Variants in PCLO observed in about 807,000 individuals in gnomAD.
PCLO encodes piccolo presynaptic cytomatrix protein.
Under a neutral mutation model 427.5 loss-of-function variants are expected in PCLO, and 82 were observed. That is an observed-to-expected ratio of 0.19 (90% CI 0.16 to 0.23). PCLO has a LOEUF of 0.23. PCLO is among the 10% of genes least tolerant of loss of function. The pLI, the probability that PCLO is intolerant of heterozygous loss-of-function variation, is 1.00. For missense variants in PCLO, 6,239 were observed against 6,115.9 expected (o/e 1.02, Z -0.67); for synonymous variants, 2,357 against 2,155.4 (o/e 1.09, Z -2.59).
intron 6 of PCLO, among the ~76,000 whole-genome samples, chr7:82,934,300 T>C (rs1794903364): frequency 1.3e-5 from 2 of 151,814 alleles, no homozygotes; most frequent in Admixed American, 6.6e-5. Flanking sequence ...TTCAGCAAGA[T>C]AAGTATTCTA....
At chr7:83,131,898 TAC>T (rs1430403157) in intron 3 of PCLO, among the ~76,000 whole-genome samples, 1 of 152,132 alleles carries the variant, frequency 6.6e-6, no homozygotes, top group Non-Finnish European at 1.5e-5. Flanking sequence ...TAATAGTATT[TAC>T]AGTTTGCTGG....
At chr7:82,963,476 C>T (rs9969323) in intron 4 of PCLO, among the ~76,000 whole-genome samples, 9,117 of 151,774 alleles carry the variant, frequency 0.06, 909 homozygotes, top group African/African-American at 0.21. Context: ...GGTAGCAATA[C>T]ATAGTGAGAA....
At chr7:83,102,845 ATAAT>A (rs1372445098) in intron 3 of PCLO, among the ~76,000 whole-genome samples, 1 of 151,938 alleles carries the variant, frequency 6.6e-6, no homozygotes, top group African/African-American at 2.4e-5. Flanking sequence ...TTCAGAATGA[ATAAT>A]TAATTACTTC....
intron 3 of PCLO, among the ~76,000 whole-genome samples, chr7:83,011,385 T>A (rs1788073056): frequency 6.6e-6 from 1 of 152,118 alleles, no homozygotes; most frequent in Non-Finnish European, 1.5e-5. Context: ...ATTGTTTGAT[T>A]AATCTGATAC....
chr7:83,151,447 A>G (rs1056195939), intron 2 of PCLO, among the ~76,000 whole-genome samples: 1 of 152,190 alleles, frequency 6.6e-6, no homozygotes, highest in Admixed American at 6.5e-5. Flanking sequence ...TTAATCTTCC[A>G]GTGTGTCTGG....
chr7:83,025,201 T>C (rs1219781458), intron 3 of PCLO, among the ~76,000 whole-genome samples: 1 of 151,876 alleles, frequency 6.6e-6, no homozygotes, highest in Non-Finnish European at 1.5e-5. Flanking sequence ...AGTTGAAAAC[T>C]TTGAAAAAAA....
At chr7:83,153,310 A>G (rs929612981) in intron 2 of PCLO, among the ~76,000 whole-genome samples, 13 of 151,912 alleles carry the variant, frequency 8.6e-5, no homozygotes, top group African/African-American at 3.1e-4. Flanking sequence ...TTGTAGTTTT[A>G]TAAGTAAATG....
In PCLO at chr7:82,955,342, C is replaced by T. The variant is rs369616405; in HGVS notation, c.5611G>A (p.Glu1871Lys). 1.6e-5 allele frequency: 26 copies of T among 1,613,534 alleles called. No individual in the cohort carries two copies. The highest frequency in any genetic ancestry group is 1.6e-4 in the Middle Eastern group (1 of 6,080). ...PSIESDPEGF[E>K]ISPEKIIEVQ... ...TCTATTATTTTTTCCGGGCTTATTTCAAAACCTTCTGGGTCTGACTCTATG... is the reference window on the plus strand; with the variant it reads ...TCTATTATTTTTTCCGGGCTTATTTTAAAACCTTCTGGGTCTGACTCTATG... Residue 1871 changes from glutamate (E) to lysine (K), a missense_variant, in exon 5 of 25, where the codon GAA becomes AAA. By Grantham distance (56) the Glu-to-Lys change is moderately conservative. Coordinates refer to ENST00000333891, the MANE Select transcript of PCLO (RefSeq NM_033026.6).
chr7:82,969,572 T>G (rs1161489945), intron 3 of PCLO, among the ~76,000 whole-genome samples: 4 of 152,188 alleles, frequency 2.6e-5, no homozygotes, highest in Admixed American at 2.6e-4. Context: ...GCCAGCCTAA[T>G]TCTTCTGAAC....
chr7:82,760,943 CTTTTTTTTTTTTTT>C (rs767222339), intron 23 of PCLO, among the ~76,000 whole-genome samples, 159 bp from the exon 24 acceptor site: 1 of 60,368 alleles, frequency 1.7e-5, no homozygotes. Flanking sequence ...AAAGATATGT[CTTTTTTTTTTTTTT>C]TTTTTTTTTT....
chr7:83,060,459 T>C, intron 3 of PCLO, among the ~76,000 whole-genome samples: 1 of 152,314 alleles, frequency 6.6e-6, no homozygotes, highest in East Asian at 1.9e-4. Flanking sequence ...CCCAGACTGC[T>C]GCTCATAGGG....
At chr7:83,085,861 G>A (rs1471435541) in intron 3 of PCLO, among the ~76,000 whole-genome samples, 2 of 151,890 alleles carry the variant, frequency 1.3e-5, no homozygotes, top group East Asian at 1.9e-4. Context: ...TGGTATTATA[G>A]TATTAAAATA....
intron 10 of PCLO, among the ~76,000 whole-genome samples, chr7:82,856,162 A>T (rs931744937): frequency 6.6e-6 from 1 of 152,166 alleles, no homozygotes; most frequent in African/African-American, 2.4e-5. Context: ...TCCTCAAGGC[A>T]TGTGGTGCAG....
chr7:82,832,187 A>G (rs1044846575), intron 16 of PCLO, among the ~76,000 whole-genome samples: 10 of 152,198 alleles, frequency 6.6e-5, no homozygotes, highest in Non-Finnish European at 1.2e-4. Flanking sequence ...ATACATAAAG[A>G]TGGGACATGG....
Position 82,954,142 on chromosome 7 carries a change from A to G in PCLO, c.6811T>C (p.Ser2271Pro), listed in dbSNP as rs754609521. 1 of 1,613,952 alleles carries G rather than the reference A, an allele frequency of 6.2e-7. No homozygotes were observed. The highest frequency in any genetic ancestry group is 2.2e-5 in the East Asian group (1 of 44,874). Residue 2271 changes from serine to proline, a missense_variant, in exon 5 of 25, where the codon TCT becomes CCT. Ser to Pro is a moderately conservative substitution (Grantham distance 74). Coordinates refer to ENST00000333891, the MANE Select transcript of PCLO (RefSeq NM_033026.6). ...HIVISLSDMASSIIESVVPKP... is the reference protein window; with the variant it reads ...HIVISLSDMAPSIIESVVPKP... The stretch of plus-strand genomic sequence containing the variant: ...GGTACTACAGATTCTATGATAGAAG[A>G]TGCCATATCAGATAAGGAAATAACA...
At chr7:82,818,775 T>C (rs1791729144) in intron 20 of PCLO, among the ~76,000 whole-genome samples, 1 of 152,178 alleles carries the variant, frequency 6.6e-6, no homozygotes, top group Non-Finnish European at 1.5e-5. Context: ...ATAAGAATAT[T>C]GAAATAACTA....
intron 6 of PCLO, among the ~76,000 whole-genome samples, chr7:82,920,917 C>T (rs73707109): frequency 0.024 from 3,644 of 151,634 alleles, 151 homozygotes; most frequent in African/African-American, 0.083. Context: ...GTCCTAGATG[C>T]TAGACCAAAA....
At chr7:82,798,865 G>C (rs560645227) in intron 22 of PCLO, among the ~76,000 whole-genome samples, 2 of 152,096 alleles carry the variant, frequency 1.3e-5, no homozygotes, top group East Asian at 1.9e-4. Context: ...TACATATTCT[G>C]TCTTGTTCCC....
chr7:83,070,111 C>T (rs1789774210), intron 3 of PCLO, among the ~76,000 whole-genome samples: 1 of 152,032 alleles, frequency 6.6e-6, no homozygotes, highest in African/African-American at 2.4e-5. Context: ...CATGCACGTG[C>T]TCTCTCACTT....
Sources: allele counts gnomAD v4.1 joint callset (sites outside exome capture counted in the v4.1 genomes callset), GRCh38; gene constraint gnomAD v4.1.1; transcripts MANE v1.5; gene names NCBI Gene and HGNC (gene_info 2026-07-23, HGNC 2026-07-21).